DCC: variants seen among roughly 807,000 people sequenced by gnomAD.
DCC encodes DCC netrin 1 receptor, also known as netrin receptor DCC.
Under a neutral mutation model 172.5 loss-of-function variants are expected in DCC, and 58 were observed. That is an observed-to-expected ratio of 0.34 (90% CI 0.27 to 0.42). DCC has a LOEUF of 0.42. DCC is among the 10% of genes least tolerant of loss of function. The probability of loss-of-function intolerance (pLI) is 1.00; values close to 1 mark genes in which losing one functional copy is unlikely to be tolerated. For synonymous variants in DCC, 709 were observed against 644.5 expected (o/e 1.10, Z -1.52); for missense variants, 1,740 against 1,791.0 (o/e 0.97, Z 0.51).
In DCC at chr18:52,510,334, G is replaced by C. The variant is rs188942499; in HGVS notation, c.91+169456G>C. Among the ~76,000 whole-genome samples, 9 of 152,274 alleles carry C rather than the reference G, an allele frequency of 5.9e-5. No individual in the cohort carries two copies. The South Asian group carries it at 6.2e-4, about 11-fold the overall frequency. Reference sequence around the variant, plus strand: ...ACTGGCCTTGCTTCTCTGCATTCCAGCTGCGGGCTCAGGTCTTTATAGACA... The same window carrying C: ...ACTGGCCTTGCTTCTCTGCATTCCACCTGCGGGCTCAGGTCTTTATAGACA... On this transcript the variant is annotated intron_variant, in intron 1 of 28. Transcript: ENST00000442544.
At chr18:53,307,113 C>G (rs1425537357) in intron 13 of DCC, among the ~76,000 whole-genome samples, 1 of 152,132 alleles carries the variant, frequency 6.6e-6, no homozygotes, top group Non-Finnish European at 1.5e-5. Context: ...TTCTTCTTTT[C>G]TCTCAGGTTG....
At chr18:52,830,417 A>G (rs1037628344) in intron 2 of DCC, among the ~76,000 whole-genome samples, 9 of 152,134 alleles carry the variant, frequency 5.9e-5, no homozygotes, top group Admixed American at 1.3e-4. Flanking sequence ...CAACTATTTT[A>G]AGGTCCTTTT....
intron 7 of DCC, among the ~76,000 whole-genome samples, chr18:53,100,371 A>C (rs988951444): frequency 6.6e-6 from 1 of 152,182 alleles, no homozygotes; most frequent in Non-Finnish European, 1.5e-5. Flanking sequence ...CTAAGATAAT[A>C]GTTCTAATTA....
intron 22 of DCC, among the ~76,000 whole-genome samples, chr18:53,436,775 C>T (rs906476880): frequency 6.6e-6 from 1 of 152,020 alleles, no homozygotes; most frequent in African/African-American, 2.4e-5. Context: ...TAAAAAATAC[C>T]CCAGATTTGG....
chr18:53,380,879 G>GT, intron 15 of DCC, among the ~76,000 whole-genome samples: 1 of 152,166 alleles, frequency 6.6e-6, no homozygotes. Context: ...TTGTTTAAGT[G>GT]TAAGGTTGAT....
chr18:52,429,888 G>A (rs1483943561), intron 1 of DCC, among the ~76,000 whole-genome samples: 1 of 152,136 alleles, frequency 6.6e-6, no homozygotes, highest in Non-Finnish European at 1.5e-5. Context: ...CAAGTCAAGA[G>A]GTGGGTAAGG....
chr18:53,170,365 C>T (rs1055008847), intron 8 of DCC, among the ~76,000 whole-genome samples: 3 of 152,190 alleles, frequency 2.0e-5, no homozygotes, highest in South Asian at 4.1e-4. Flanking sequence ...TAGTTATGCT[C>T]ACTCTTTTTG....
chr18:53,108,705 T>C (rs1370541615), intron 7 of DCC, among the ~76,000 whole-genome samples: 1 of 151,792 alleles, frequency 6.6e-6, no homozygotes, highest in Non-Finnish European at 1.5e-5. Context: ...ATTTTGTGTC[T>C]AGCCTTTTTT....
chr18:53,080,863 C>A (rs780991763), intron 7 of DCC, among the ~76,000 whole-genome samples: 2 of 151,970 alleles, frequency 1.3e-5, no homozygotes, highest in Non-Finnish European at 2.9e-5. Flanking sequence ...TGTGACAGGG[C>A]CTTATCATGC....
chr18:53,295,687 A>G (rs575396530), intron 12 of DCC, among the ~76,000 whole-genome samples: 63 of 152,296 alleles, frequency 4.1e-4, no homozygotes, highest in African/African-American at 1.4e-3. Context: ...CTTTGTTTCT[A>G]TATCCTCTGA....
intron 1 of DCC, among the ~76,000 whole-genome samples, chr18:52,731,322 T>C (rs2036637879): frequency 6.6e-6 from 1 of 152,222 alleles, no homozygotes; most frequent in African/African-American, 2.4e-5. Context: ...ATTTATTGCA[T>C]TGCTAACTGT....
At chr18:53,527,543 G>A (rs1212287291) in intron 28 of DCC, among the ~76,000 whole-genome samples, 3 of 151,682 alleles carry the variant, frequency 2.0e-5, no homozygotes, top group Non-Finnish European at 4.4e-5. Flanking sequence ...AGGAGTTTAA[G>A]TAATACAAAA....
intron 1 of DCC, among the ~76,000 whole-genome samples, chr18:52,438,925 GCTAGGAAGA>G (rs1568170910): frequency 6.6e-6 from 1 of 152,110 alleles, no homozygotes; most frequent in Non-Finnish European, 1.5e-5. Flanking sequence ...CCTTTCTGAA[GCTAGGAAGA>G]CTTGAAAAGA....
intron 5 of DCC, among the ~76,000 whole-genome samples, chr18:53,022,584 C>A (rs2041897337): frequency 6.6e-6 from 1 of 151,028 alleles, no homozygotes; most frequent in African/African-American, 2.4e-5. Context: ...ACTAACGGAA[C>A]ACCATGGGAA....
At chr18:53,395,973 T>C (rs1408031750) in intron 17 of DCC, among the ~76,000 whole-genome samples, 1 of 152,172 alleles carries the variant, frequency 6.6e-6, no homozygotes, top group Non-Finnish European at 1.5e-5. Flanking sequence ...TTCTGATAAA[T>C]ATTTGAGGTC....
intron 19 of DCC, among the ~76,000 whole-genome samples, chr18:53,410,244 A>G (rs1909900974): frequency 6.6e-6 from 1 of 152,160 alleles, no homozygotes; most frequent in Admixed American, 6.6e-5. Flanking sequence ...CTAACAGCTT[A>G]TTCTATTTTC....
chr18:53,307,895 A>G (rs73957146), intron 13 of DCC, among the ~76,000 whole-genome samples: 6,217 of 16,118 alleles, frequency 0.39, 400 homozygotes, highest in Admixed American at 0.53. Context: ...ATGTGTGTGT[A>G]TGTATATATA....
chr18:53,239,126 T>C (rs1394870044), intron 12 of DCC, among the ~76,000 whole-genome samples: 1 of 150,994 alleles, frequency 6.6e-6, no homozygotes, highest in Non-Finnish European at 1.5e-5. Flanking sequence ...CACACCAACA[T>C]GGCACGTGTA....
chr18:53,002,880 C>T (rs1350582991), intron 5 of DCC, among the ~76,000 whole-genome samples: 2 of 152,130 alleles, frequency 1.3e-5, no homozygotes, highest in Non-Finnish European at 2.9e-5. Context: ...GGAGCTGTAT[C>T]AGCACAGGGT....
Sources: allele counts gnomAD v4.1 joint callset (sites outside exome capture counted in the v4.1 genomes callset), GRCh38; gene constraint gnomAD v4.1.1; transcripts MANE v1.5; gene names NCBI Gene and HGNC (gene_info 2026-07-23, HGNC 2026-07-21).